Variants in LRRC4C observed in about 807,000 individuals in gnomAD.
LRRC4C encodes leucine-rich repeat-containing protein 4C.
LRRC4C carries 5 observed loss-of-function variants against 33.6 expected under a neutral mutation model. That is an observed-to-expected ratio of 0.15 (90% CI 0.08 to 0.31). The LOEUF (loss-of-function observed/expected upper bound fraction) is 0.31. LRRC4C is among the 10% of genes least tolerant of loss of function. The pLI, the probability that LRRC4C is intolerant of heterozygous loss-of-function variation, is 1.00. For synonymous variants in LRRC4C, 329 were observed against 302.0 expected (o/e 1.09, Z -0.93); for missense variants, 560 against 796.7 (o/e 0.70, Z 3.58).
Position 40,140,855 on chromosome 11 carries a change from TA to T in LRRC4C, c.-95-3del, listed in dbSNP as rs5791360. On this transcript the variant is annotated splice_region_variant and splice_polypyrimidine_tract_variant and intron_variant, in intron 5 of 6. Transcript: ENST00000528697. ...TAAGTAGGCAGTGCGTTTGCCAATC[TA>T]AAAAAAAAAAAAAAAGAAAAGAAAA... 101,616 of 131,864 alleles carry T rather than the reference TA, an allele frequency of 0.77. 38,369 individuals carry two copies. The highest frequency in any genetic ancestry group is 0.91 in the South Asian group (3,777 of 4,142). 8.2% of individuals were successfully genotyped at this position (131,864 alleles called of 1,614,324 possible).
At chr11:40,760,002 A>ACCC (rs1949128658) in intron 2 of LRRC4C, among the ~76,000 whole-genome samples, 1 of 151,438 alleles carries the variant, frequency 6.6e-6, no homozygotes, top group Non-Finnish European at 1.5e-5. Flanking sequence ...TTCGGTTTTG[A>ACCC]CCAATCCCTG....
At chr11:40,218,405 A>G (rs1264714044) in intron 5 of LRRC4C, among the ~76,000 whole-genome samples, 2 of 152,158 alleles carry the variant, frequency 1.3e-5, no homozygotes. Context: ...GGGGAAATGC[A>G]AGTCCAAGAG....
intron 1 of LRRC4C, among the ~76,000 whole-genome samples, chr11:41,171,049 A>T (rs1237981683): frequency 6.6e-6 from 1 of 152,018 alleles, no homozygotes; most frequent in Non-Finnish European, 1.5e-5. Context: ...CAAAACCACA[A>T]TGAGATACCA....
intron 3 of LRRC4C, among the ~76,000 whole-genome samples, chr11:40,534,193 G>C (rs1956382967): frequency 6.6e-6 from 1 of 152,000 alleles, no homozygotes; most frequent in African/African-American, 2.4e-5. Flanking sequence ...ATGACTCTTA[G>C]CACATGACCT....
At chr11:40,510,595 G>A (rs1178039158) in intron 3 of LRRC4C, among the ~76,000 whole-genome samples, 2 of 152,090 alleles carry the variant, frequency 1.3e-5, no homozygotes, top group African/African-American at 4.8e-5. Context: ...AAAATTACAG[G>A]TTCCTCTTTG....
At chr11:41,420,566 CT>C (rs1430069726) in intron 1 of LRRC4C, among the ~76,000 whole-genome samples, 2 of 151,982 alleles carry the variant, frequency 1.3e-5, no homozygotes, top group African/African-American at 4.8e-5. Context: ...AATATAAACA[CT>C]TTTTAATTTC....
chr11:40,965,508 C>T (rs1244709768), intron 1 of LRRC4C, among the ~76,000 whole-genome samples: 1 of 152,094 alleles, frequency 6.6e-6, no homozygotes, highest in Non-Finnish European at 1.5e-5. Flanking sequence ...TGAGGTCTGA[C>T]ATTTAAGTCT....
At chr11:40,463,330 G>C (rs1232205445) in intron 3 of LRRC4C, among the ~76,000 whole-genome samples, 2 of 151,208 alleles carry the variant, frequency 1.3e-5, no homozygotes, top group Non-Finnish European at 3.0e-5. Context: ...GTGTGTGTGT[G>C]TGTGTGTGTG....
intron 3 of LRRC4C, among the ~76,000 whole-genome samples, chr11:40,489,017 C>G (rs2138492227): frequency 6.6e-6 from 1 of 152,218 alleles, no homozygotes; most frequent in Middle Eastern, 3.4e-3. Context: ...GCAATTTACT[C>G]ACTGAATAAC....
chr11:41,236,807 G>A (rs1453602639), intron 1 of LRRC4C, among the ~76,000 whole-genome samples: 1 of 152,156 alleles, frequency 6.6e-6, no homozygotes. Flanking sequence ...AGAAGCATAA[G>A]TTAAAGAATG....
At chr11:40,750,919 C>A (rs555692127) in intron 2 of LRRC4C, among the ~76,000 whole-genome samples, 132 of 151,816 alleles carry the variant, frequency 8.7e-4, no homozygotes, top group Non-Finnish European at 1.6e-3. Flanking sequence ...AGATGATACA[C>A]CATGACAAGT....
At chr11:40,605,271 TA>T (rs995056496) in intron 3 of LRRC4C, among the ~76,000 whole-genome samples, 2 of 152,086 alleles carry the variant, frequency 1.3e-5, no homozygotes, top group African/African-American at 4.8e-5. Context: ...GAGGTAAATA[TA>T]AGCATTTTAA....
At chr11:41,230,019 A>G (rs1947712992) in intron 1 of LRRC4C, among the ~76,000 whole-genome samples, 1 of 152,024 alleles carries the variant, frequency 6.6e-6, no homozygotes, top group African/African-American at 2.4e-5. Flanking sequence ...CTATTTCATT[A>G]TGCCATTTTT....
intron 2 of LRRC4C, among the ~76,000 whole-genome samples, chr11:40,687,325 T>G (rs868683073): frequency 2.6e-5 from 4 of 152,106 alleles, no homozygotes; most frequent in South Asian, 2.1e-4. Context: ...AATAAAAATA[T>G]CAATTACCAC....
chr11:40,279,545 A>T (rs2136430445), intron 4 of LRRC4C, among the ~76,000 whole-genome samples: 1 of 152,346 alleles, frequency 6.6e-6, no homozygotes, highest in South Asian at 2.1e-4. Flanking sequence ...ATCTTTTTAC[A>T]AATAATAGCT....
intron 1 of LRRC4C, among the ~76,000 whole-genome samples, chr11:40,979,521 G>A (rs2137082312): frequency 6.6e-6 from 1 of 152,244 alleles, no homozygotes; most frequent in Non-Finnish European, 1.5e-5. Flanking sequence ...TCCCAGTGTA[G>A]GGAACTGGAT....
At chr11:40,657,121 G>T (rs1943164416) in intron 2 of LRRC4C, among the ~76,000 whole-genome samples, 1 of 152,178 alleles carries the variant, frequency 6.6e-6, no homozygotes, top group African/African-American at 2.4e-5. Context: ...TGCCGCGAAT[G>T]AATCATTGTT....
At chr11:41,004,058 G>A (rs1308703517) in intron 1 of LRRC4C, among the ~76,000 whole-genome samples, 3 of 152,022 alleles carry the variant, frequency 2.0e-5, no homozygotes, top group Non-Finnish European at 4.4e-5. Flanking sequence ...TTCTTTGAGA[G>A]GCTATGGTTA....
At chr11:40,505,276 C>T (rs1954978148) in intron 3 of LRRC4C, among the ~76,000 whole-genome samples, 1 of 152,108 alleles carries the variant, frequency 6.6e-6, no homozygotes, top group Non-Finnish European at 1.5e-5. Flanking sequence ...CCATTGGCTC[C>T]TTAGGATTTA....
Sources: allele counts gnomAD v4.1 joint callset (sites outside exome capture counted in the v4.1 genomes callset), GRCh38; gene constraint gnomAD v4.1.1; transcripts MANE v1.5; gene names NCBI Gene and HGNC (gene_info 2026-07-23, HGNC 2026-07-21).